Variants in SHISA9 observed in about 807,000 individuals in gnomAD.
SHISA9 encodes protein shisa-9.
SHISA9 carries 13 observed loss-of-function variants against 38.0 expected under a neutral mutation model. That is an observed-to-expected ratio of 0.34 (90% CI 0.22 to 0.54). The LOEUF is 0.54. Among genes scored for constraint, SHISA9 ranks in the 20% least tolerant of loss-of-function variants. The pLI is 0.91. For missense variants in SHISA9, 538 were observed against 575.8 expected, an observed-to-expected ratio of 0.93 and a Z score of 0.67; for synonymous variants, 275 against 242.0, an observed-to-expected ratio of 1.14 and a Z score of -1.27.
the SHISA9 span, among the ~76,000 whole-genome samples, chr16:13,271,029 G>T: frequency 1.3e-5 from 2 of 152,204 alleles, no homozygotes; most frequent in African/African-American, 4.8e-5. Flanking sequence ...TTAGGAAAGT[G>T]TGCATACTGA....
At chr16:13,445,252 G>T in the SHISA9 span, among the ~76,000 whole-genome samples, 1 of 152,068 alleles carries the variant, frequency 6.6e-6, no homozygotes, top group Non-Finnish European at 1.5e-5. Context: ...GGCACCCACA[G>T]AGTCTTGTGG....
At chr16:13,131,528 A>G (rs776219947) in intron 2 of SHISA9, among the ~76,000 whole-genome samples, 12 of 152,152 alleles carry the variant, frequency 7.9e-5, no homozygotes, top group African/African-American at 2.9e-4. Flanking sequence ...GGTTAATACC[A>G]AGGTGATGGG....
downstream of SHISA9, among the ~76,000 whole-genome samples, chr16:13,240,709 G>A (rs1008303981): frequency 3.3e-5 from 5 of 152,090 alleles, no homozygotes; most frequent in Admixed American, 1.3e-4. Flanking sequence ...TATTCTTAAT[G>A]GTCAAGAATC....
At chr16:12,946,432 C>T (rs936660299) in intron 2 of SHISA9, among the ~76,000 whole-genome samples, 1 of 152,110 alleles carries the variant, frequency 6.6e-6, no homozygotes, top group Non-Finnish European at 1.5e-5. Flanking sequence ...AAGCCTGAGT[C>T]AAGGATTTGG....
the SHISA9 span, among the ~76,000 whole-genome samples, chr16:13,561,692 G>T: frequency 1.6e-4 from 24 of 152,200 alleles, no homozygotes; most frequent in Non-Finnish European, 2.6e-4. Flanking sequence ...TGCCATGCAG[G>T]TCAAGGTAGT....
chr16:13,109,004 C>CT (rs1490257699), intron 2 of SHISA9, among the ~76,000 whole-genome samples: 19 of 152,268 alleles, frequency 1.2e-4, no homozygotes, highest in Non-Finnish European at 2.4e-4. Context: ...AGGGTGGCTG[C>CT]TTTGACCTGG....
At chr16:13,509,662 GTC>G in the SHISA9 span, among the ~76,000 whole-genome samples, 1 of 152,116 alleles carries the variant, frequency 6.6e-6, no homozygotes, top group Admixed American at 6.6e-5. Context: ...AAATTATCAG[GTC>G]TCTCTGCATG....
chr16:13,344,872 G>T, the SHISA9 span, among the ~76,000 whole-genome samples: 1 of 152,124 alleles, frequency 6.6e-6, no homozygotes, highest in Non-Finnish European at 1.5e-5. Context: ...CTCAAAGGAG[G>T]CATTAGTCCT....
chr16:13,194,062 G>C (rs188061052), intron 2 of SHISA9, among the ~76,000 whole-genome samples: 101 of 152,200 alleles, frequency 6.6e-4, no homozygotes, highest in Middle Eastern at 6.8e-3. Context: ...CATGATCTTA[G>C]TCTTCCTCCT....
intron 2 of SHISA9, among the ~76,000 whole-genome samples, chr16:13,124,227 A>G (rs1057190893): frequency 6.6e-6 from 1 of 152,210 alleles, no homozygotes; most frequent in African/African-American, 2.4e-5. Context: ...GATTGACAAC[A>G]TTGCTCACAC....
At chr16:13,521,410 C>G in the SHISA9 span, among the ~76,000 whole-genome samples, 1 of 152,204 alleles carries the variant, frequency 6.6e-6, no homozygotes. Flanking sequence ...CAATTTGCGT[C>G]TAATGCCCTG....
chr16:13,096,898 T>C (rs1367791612), intron 2 of SHISA9, among the ~76,000 whole-genome samples: 1 of 151,996 alleles, frequency 6.6e-6, no homozygotes, highest in African/African-American at 2.4e-5. Context: ...AGACAGGCCA[T>C]TCTCTGACGC....
chr16:13,544,617 A>G, the SHISA9 span, among the ~76,000 whole-genome samples: 1 of 151,360 alleles, frequency 6.6e-6, no homozygotes, highest in South Asian at 2.1e-4. Context: ...TGGAGCAACC[A>G]CCTTTTTAGG....
At chr16:13,477,286 T>C in the SHISA9 span, among the ~76,000 whole-genome samples, 2 of 152,060 alleles carry the variant, frequency 1.3e-5, no homozygotes, top group Non-Finnish European at 2.9e-5. Flanking sequence ...CATTGTTGGG[T>C]CACATGGGAA....
intron 2 of SHISA9, among the ~76,000 whole-genome samples, chr16:13,036,076 G>A (rs1001046891): frequency 2.0e-5 from 3 of 152,136 alleles, no homozygotes; most frequent in Non-Finnish European, 2.9e-5. Flanking sequence ...AGAAGAGTTT[G>A]GTTGTTTTTA....
At chr16:13,485,136 T>C in the SHISA9 span, among the ~76,000 whole-genome samples, 1 of 152,088 alleles carries the variant, frequency 6.6e-6, no homozygotes, top group African/African-American at 2.4e-5. Flanking sequence ...CAACCCGTCA[T>C]CTAGGTTTAA....
the SHISA9 span, among the ~76,000 whole-genome samples, chr16:13,388,046 G>C: frequency 1.3e-5 from 2 of 152,122 alleles, no homozygotes; most frequent in Non-Finnish European, 2.9e-5. Flanking sequence ...CATGCTCATG[G>C]GGAGGTCAGT....
intron 2 of SHISA9, among the ~76,000 whole-genome samples, chr16:13,046,706 G>C (rs1439112226): frequency 1.3e-5 from 2 of 152,164 alleles, no homozygotes; most frequent in Non-Finnish European, 2.9e-5. Flanking sequence ...GCTCTGGTCT[G>C]CTTTGACTTC....
chr16:12,954,246 G>T (rs2071799076), intron 2 of SHISA9, among the ~76,000 whole-genome samples: 1 of 152,240 alleles, frequency 6.6e-6, no homozygotes, highest in African/African-American at 2.4e-5. Flanking sequence ...GCCCAGGGAA[G>T]TAGAAGTGTC....
Sources: gnomAD v4.1 joint callset for allele counts (sites outside exome capture counted in the v4.1 genomes callset) on GRCh38, gnomAD v4.1.1 for gene constraint, MANE v1.5 for transcripts, NCBI Gene and HGNC (gene_info 2026-07-23, HGNC 2026-07-21) for gene names.